The following OR9Q1 variants were observed in gnomAD, a reference collection of about 807,000 sequenced individuals.
OR9Q1 encodes olfactory receptor family 9 subfamily Q member 1.
For missense variants in OR9Q1, 374 were observed against 378.8 expected, an observed-to-expected ratio of 0.99 and a Z score of 0.11; for synonymous variants, 153 against 148.6, an observed-to-expected ratio of 1.03 and a Z score of -0.22.
intron 2 of OR9Q1, among the ~76,000 whole-genome samples, chr11:58,148,265 G>C (rs1854317991): frequency 6.6e-6 from 1 of 152,082 alleles, no homozygotes; most frequent in Non-Finnish European, 1.5e-5. Context: ...ATGATGGAGT[G>C]TAAACCATAC....
At chr11:58,173,651 A>C (rs373631460) in intron 2 of OR9Q1, among the ~76,000 whole-genome samples, 9 of 150,988 alleles carry the variant, frequency 6.0e-5, no homozygotes, top group Admixed American at 2.6e-4. Flanking sequence ...CCTGAACCCC[A>C]CCCCCTCAGC....
rs148623987 is a variant in OR9Q1, at chr11:58,024,065, C to G, written c.-132C>G. 1 of 152,412 alleles carries G rather than the reference C, an allele frequency of 6.6e-6. No individual in the cohort carries two copies. The highest frequency in any genetic ancestry group is 1.5e-5 in the Non-Finnish European group (1 of 68,066). The allele number at this position is 152,412 out of a possible 1,614,324, so 9.4% of individuals were successfully genotyped here. Reference sequence around the variant, plus strand: ...TGAAGACACTGAGGCTCAGAAAGATCAAACGCCTTTCCCAAACTCACAGCT... The same window carrying G: ...TGAAGACACTGAGGCTCAGAAAGATGAAACGCCTTTCCCAAACTCACAGCT... On this transcript the variant is annotated 5_prime_UTR_variant, in exon 1 of 3. The change creates a new upstream start codon in the 5' untranslated region. Transcript: ENST00000335397.
chr11:58,138,553 C>A (rs1854210899), intron 2 of OR9Q1, among the ~76,000 whole-genome samples: 1 of 152,228 alleles, frequency 6.6e-6, no homozygotes, highest in Non-Finnish European at 1.5e-5. Context: ...ACTAGGCACA[C>A]AGCATGCTGT....
intron 2 of OR9Q1, chr11:58,109,811 C>G: frequency 8.6e-6 from 3 of 347,264 alleles, no homozygotes; most frequent in South Asian, 6.9e-5. Flanking sequence ...GAGTCCACAA[C>G]TGGCAGTTAC....
At chr11:58,094,480 C>T (rs1422604263) in intron 2 of OR9Q1, among the ~76,000 whole-genome samples, 1 of 152,110 alleles carries the variant, frequency 6.6e-6, no homozygotes, top group Non-Finnish European at 1.5e-5. Flanking sequence ...AGTGTTGTTT[C>T]TAAGGTTGAT....
At chr11:58,048,152 C>A (rs1405697803) in intron 1 of OR9Q1, among the ~76,000 whole-genome samples, 1 of 152,090 alleles carries the variant, frequency 6.6e-6, no homozygotes, top group Admixed American at 6.6e-5. Flanking sequence ...ACAATCCATC[C>A]ATACGAATTA....
intron 2 of OR9Q1, among the ~76,000 whole-genome samples, chr11:58,177,892 T>C (rs1481646564): frequency 1.3e-5 from 2 of 152,156 alleles, no homozygotes; most frequent in Non-Finnish European, 1.5e-5. Context: ...GGAGAGAACT[T>C]TCCTGTAGAA....
intron 1 of OR9Q1, among the ~76,000 whole-genome samples, chr11:58,033,059 C>T (rs1053612602): frequency 6.6e-6 from 1 of 152,182 alleles, no homozygotes. Flanking sequence ...AATGAGATAT[C>T]ATCTCATGCC....
At chr11:58,176,314 G>C (rs1365774772) in intron 2 of OR9Q1, among the ~76,000 whole-genome samples, 1 of 152,214 alleles carries the variant, frequency 6.6e-6, no homozygotes, top group East Asian at 1.9e-4. Context: ...TGGGTGCATG[G>C]CAGGGCTTTG....
chr11:58,174,561 A>G (rs1444714995), intron 2 of OR9Q1, among the ~76,000 whole-genome samples: 1 of 151,476 alleles, frequency 6.6e-6, no homozygotes, highest in East Asian at 1.9e-4. Context: ...TCATACTAAA[A>G]TCTTCAAAAA....
chr11:58,129,721 C>A (rs1854123157), intron 2 of OR9Q1, among the ~76,000 whole-genome samples: 1 of 152,146 alleles, frequency 6.6e-6, no homozygotes, highest in Admixed American at 6.5e-5. Context: ...CCTTTTCTGA[C>A]CTCCAGAAGT....
At chr11:58,136,848 G>A (rs1854194083) in intron 2 of OR9Q1, among the ~76,000 whole-genome samples, 1 of 152,162 alleles carries the variant, frequency 6.6e-6, no homozygotes, top group African/African-American at 2.4e-5. Flanking sequence ...GAAAGCCTAG[G>A]TCATTATTTT....
chr11:58,031,886 A>T (rs1226948781), intron 1 of OR9Q1: 1 of 1,611,632 alleles, frequency 6.2e-7, no homozygotes, highest in Non-Finnish European at 8.5e-7. Context: ...CTTTTCTCTC[A>T]ACTTTTGGAA....
intron 2 of OR9Q1, among the ~76,000 whole-genome samples, chr11:58,176,143 T>C (rs1211388554): frequency 6.6e-6 from 1 of 152,224 alleles, no homozygotes; most frequent in African/African-American, 2.4e-5. Context: ...CAAAGTCCTG[T>C]GCTTCCAAAG....
chr11:58,142,189 C>A (rs1253518399), intron 2 of OR9Q1, among the ~76,000 whole-genome samples: 1 of 152,014 alleles, frequency 6.6e-6, no homozygotes, highest in Non-Finnish European at 1.5e-5. Context: ...TTTCACAGCA[C>A]TTACCAACTT....
At chr11:58,095,657 C>G (rs1235745826) in intron 2 of OR9Q1, among the ~76,000 whole-genome samples, 4 of 152,102 alleles carry the variant, frequency 2.6e-5, no homozygotes, top group Non-Finnish European at 4.4e-5. Context: ...AGAACTAGCT[C>G]ACTATCATGA....
chr11:58,109,012 C>T (rs1344087359), intron 2 of OR9Q1: 3 of 438,666 alleles, frequency 6.8e-6, no homozygotes, highest in South Asian at 5.0e-5. Context: ...GAGCATGTAG[C>T]AGATCAGGAT....
chr11:58,079,419 T>A (rs1255233949), intron 2 of OR9Q1, among the ~76,000 whole-genome samples: 1 of 152,146 alleles, frequency 6.6e-6, no homozygotes, highest in Non-Finnish European at 1.5e-5. Context: ...CTTTTTAGAG[T>A]ATTCATTAAT....
chr11:58,102,046 A>G (rs563306468), intron 2 of OR9Q1, among the ~76,000 whole-genome samples: 11 of 152,244 alleles, frequency 7.2e-5, no homozygotes, highest in Non-Finnish European at 1.3e-4. Flanking sequence ...ACGCCCGGCC[A>G]TCTTCCAGAA....
Sources: allele counts gnomAD v4.1 joint callset (sites outside exome capture counted in the v4.1 genomes callset), GRCh38; gene constraint gnomAD v4.1.1; transcripts MANE v1.5; gene names NCBI Gene and HGNC (gene_info 2026-07-23, HGNC 2026-07-21).